COL28A1: variants seen among roughly 807,000 people sequenced by gnomAD.
The protein encoded by COL28A1 is collagen alpha-1(XXVIII) chain.
Under a neutral mutation model 150.2 loss-of-function variants are expected in COL28A1, and 161 were observed. That is an observed-to-expected ratio of 1.07 (90% confidence interval 0.94 to 1.22). The LOEUF is 1.22. Ranked by LOEUF, COL28A1 falls within the 50% of genes most tolerant of loss-of-function variation. COL28A1 has a pLI of 0.00. For synonymous variants in COL28A1, 552 were observed against 469.7 expected (o/e 1.18, Z -2.26); for missense variants, 1,617 against 1,388.3 (o/e 1.16, Z -2.62).
chr7:7,482,376 T>C (rs1417843118), intron 13 of COL28A1, among the ~76,000 whole-genome samples: 1 of 151,900 alleles, frequency 6.6e-6, no homozygotes, highest in East Asian at 1.9e-4. Context: ...AATACAAAAA[T>C]TAGCCAGGTC....
chr7:7,383,448 T>G (rs1458437885), intron 27 of COL28A1, among the ~76,000 whole-genome samples: 2 of 151,700 alleles, frequency 1.3e-5, no homozygotes, highest in Non-Finnish European at 2.9e-5. Context: ...CTGGCTAATT[T>G]TTGTATTTTT....
chr7:7,437,376 A>G lies in COL28A1; in HGVS notation c.1791+18T>C, dbSNP rs568761908. 9.4e-6 allele frequency: 15 copies of G among 1,598,326 alleles called. No individual in the cohort carries two copies. In the East Asian group the frequency reaches 2.7e-4, roughly 29 times the overall value. ...CCAAAGGGTCAAGAAAAAGAAAATA[A>G]TCTCCAAGAATATATACCTTTGGCC... On this transcript the variant is annotated intron_variant, in intron 22 of 34. Coordinates refer to ENST00000399429, the MANE Select transcript of COL28A1 (RefSeq NM_001037763.3).
chr7:7,427,487 C>A (rs946650736), intron 25 of COL28A1, among the ~76,000 whole-genome samples: 1 of 152,168 alleles, frequency 6.6e-6, no homozygotes, highest in Non-Finnish European at 1.5e-5. Context: ...TCTATGTCTG[C>A]CAATGGAATT....
chr7:7,450,705 C>T lies in COL28A1; in HGVS notation c.1509+1614G>A, dbSNP rs548511722. On this transcript the variant is annotated intron_variant, in intron 18 of 34. Transcript: ENST00000399429. ...ACAAGTCAAGAAACTTGTCCTCCAA[C>T]GTGTGCAAAAGGAAACAGAATGTTT... 2.8e-4 allele frequency among the ~76,000 whole-genome samples: 42 copies of T among 152,252 alleles called. 1 individual carries two copies. Among genetic ancestry groups the T allele is most frequent in the Admixed American group, 1.8e-3 (27 of 15,284 alleles).
intron 27 of COL28A1, among the ~76,000 whole-genome samples, chr7:7,399,598 G>T (rs540543927): frequency 6.6e-6 from 1 of 152,024 alleles, no homozygotes; most frequent in Non-Finnish European, 1.5e-5. Context: ...CAGGTTGATA[G>T]GAAGCAAATT....
At chr7:7,339,804 G>A in the COL28A1 span, among the ~76,000 whole-genome samples, 1 of 152,090 alleles carries the variant, frequency 6.6e-6, no homozygotes, top group African/African-American at 2.4e-5. Flanking sequence ...GAACATGTAA[G>A]AAAATTAAAT....
intron 14 of COL28A1, 39 bp downstream of exon 14, chr7:7,477,073 A>C: frequency 1.1e-6 from 1 of 889,124 alleles, no homozygotes. Context: ...CGAGCATGTA[A>C]GACAAAGCAC....
intron 2 of COL28A1, among the ~76,000 whole-genome samples, chr7:7,532,354 G>T (rs1396237411): frequency 6.6e-6 from 1 of 151,862 alleles, no homozygotes. Flanking sequence ...CCTATACCAA[G>T]AGTAAGTGGA....
chr7:7,462,538 C>A (rs938288763), intron 15 of COL28A1, among the ~76,000 whole-genome samples: 2 of 152,030 alleles, frequency 1.3e-5, no homozygotes, highest in African/African-American at 4.8e-5. Context: ...TAAAAACAAT[C>A]AAAACTTCAG....
intron 25 of COL28A1, among the ~76,000 whole-genome samples, chr7:7,427,842 C>G (rs1784731245): frequency 6.6e-6 from 1 of 152,086 alleles, no homozygotes; most frequent in African/African-American, 2.4e-5. Context: ...TCCAACTGCA[C>G]ACACAAAAGA....
the COL28A1 span, among the ~76,000 whole-genome samples, chr7:7,347,488 C>T: frequency 2.2e-4 from 34 of 152,238 alleles, no homozygotes; most frequent in Non-Finnish European, 4.4e-5. Flanking sequence ...GTTCCTCTCT[C>T]TTCTGGCTAC....
chr7:7,511,668 T>G, intron 8 of COL28A1: 1 of 460,814 alleles, frequency 2.2e-6, no homozygotes, highest in South Asian at 1.6e-5. Context: ...CACCTAGTAG[T>G]GTTCACCTGG....
intron 18 of COL28A1, among the ~76,000 whole-genome samples, chr7:7,451,806 C>T (rs942820587): frequency 6.6e-6 from 1 of 151,960 alleles, no homozygotes; most frequent in Non-Finnish European, 1.5e-5. Flanking sequence ...CTTTTTTATC[C>T]TTTGTAATCA....
chr7:7,444,230 A>AT (rs1562669572), intron 19 of COL28A1, among the ~76,000 whole-genome samples, 188 bp downstream of exon 19: 1 of 152,122 alleles, frequency 6.6e-6, no homozygotes, highest in Non-Finnish European at 1.5e-5. Flanking sequence ...GTGAGACACT[A>AT]TCTCAGCCTT....
intron 25 of COL28A1, chr7:7,431,630 T>C (rs958027084): frequency 1.1e-5 from 5 of 470,928 alleles, no homozygotes; most frequent in African/African-American, 2.0e-5. Context: ...TTCAAGGCCA[T>C]GGGAAGTGTT....
Position 7,531,744 on chromosome 7 carries a change from G to A in COL28A1, c.285C>T (p.Ala95=), listed in dbSNP as rs751888408. 3 of 1,609,902 alleles carry A rather than the reference G, an allele frequency of 1.9e-6. No individual in the cohort carries two copies. Among genetic ancestry groups the A allele is most frequent in the Non-Finnish European group, 2.6e-6 (3 of 1,176,266 alleles). The change falls in exon 3 of 35, where the codon GCC becomes GCT. Residue 95 remains alanine (A), a synonymous_variant. Transcript: ENST00000399429. ...TTTGGACAGAGCTGCTAAACTGAAG[G>A]GCTGCCAGTTTGATGTCATATTCCA... The part of the protein sequence containing the change: ...RSLEYDIKLA[A]LQFSSSVQID...
intron 15 of COL28A1, among the ~76,000 whole-genome samples, chr7:7,460,629 G>A (rs529210813): frequency 5.9e-5 from 9 of 152,284 alleles, no homozygotes; most frequent in Admixed American, 5.2e-4. Context: ...TGATCCGCCC[G>A]CCTCAGCCTC....
chr7:7,521,027 T>C (rs1284602705), intron 5 of COL28A1, among the ~76,000 whole-genome samples: 2 of 152,112 alleles, frequency 1.3e-5, no homozygotes, highest in East Asian at 3.9e-4. Flanking sequence ...AAGGTAAAAT[T>C]TGTCACATTC....
At chr7:7,511,589 C>A in intron 8 of COL28A1, 1 of 319,992 alleles carries the variant, frequency 3.1e-6, no homozygotes, top group Non-Finnish European at 6.4e-6. Flanking sequence ...AGTCTGAACC[C>A]AGATACTTTA....
Sources: gnomAD v4.1 joint callset for allele counts (sites outside exome capture counted in the v4.1 genomes callset) on GRCh38, gnomAD v4.1.1 for gene constraint, MANE v1.5 for transcripts, NCBI Gene and HGNC (gene_info 2026-07-23, HGNC 2026-07-21) for gene names.